Variants in ANK3 observed in about 807,000 individuals in gnomAD.
ANK3 encodes ankyrin-3.
In ANK3, 57 loss-of-function variants were observed where a neutral mutation model predicts 370.9. That is an observed-to-expected ratio of 0.15 (90% confidence interval 0.12 to 0.19). The LOEUF is 0.19. Among genes scored for constraint, ANK3 ranks in the 10% least tolerant of loss-of-function variants. ANK3 has a pLI of 1.00. For missense variants in ANK3, 4,439 were observed against 5,302.1 expected (o/e 0.84, Z 5.06); for synonymous variants, 1,929 against 1,946.3 (o/e 0.99, Z 0.23).
chr10:60,214,884 G>A (rs1006436226), intron 8 of ANK3, among the ~76,000 whole-genome samples: 2 of 152,096 alleles, frequency 1.3e-5, no homozygotes, highest in Non-Finnish European at 2.9e-5. Flanking sequence ...CCCAGTAATG[G>A]GATTGCTGGG....
At chr10:60,436,096 A>AT (rs1427169060) in intron 2 of ANK3, among the ~76,000 whole-genome samples, 2 of 149,608 alleles carry the variant, frequency 1.3e-5, no homozygotes, top group South Asian at 2.1e-4. Flanking sequence ...CTCAAAAAAA[A>AT]ATAAATAAAT....
chr10:60,380,948 G>A (rs989978698), intron 1 of ANK3, among the ~76,000 whole-genome samples: 1 of 152,070 alleles, frequency 6.6e-6, no homozygotes, highest in Non-Finnish European at 1.5e-5. Context: ...AAGGGAATCC[G>A]CCGATAAAGG....
In ANK3 at chr10:60,722,070, C is replaced by T. The variant is rs533469218; in HGVS notation, c.57+11193G>A. On this transcript the variant is annotated intron_variant, in intron 1 of 43. Transcript: ENST00000373827. ...GATCAGTTATACACATTGAGACAGACTTAAGTCTCCATGGAGACTTAAGTG... is the reference window on the plus strand; with the variant it reads ...GATCAGTTATACACATTGAGACAGATTTAAGTCTCCATGGAGACTTAAGTG... Among the ~76,000 whole-genome samples, 47 of 152,218 alleles carry T rather than the reference C, an allele frequency of 3.1e-4. 1 individual carries two copies. The South Asian group carries it at 8.9e-3, about 29-fold the overall frequency.
chr10:60,424,879 C>T (rs978997173), intron 2 of ANK3, among the ~76,000 whole-genome samples: 4 of 151,994 alleles, frequency 2.6e-5, no homozygotes, highest in African/African-American at 9.7e-5. Flanking sequence ...AATTTAAAGA[C>T]ATTACTTTGT....
chr10:60,360,334 T>A (rs1450512629), intron 1 of ANK3, among the ~76,000 whole-genome samples: 1 of 152,206 alleles, frequency 6.6e-6, no homozygotes, highest in Non-Finnish European at 1.5e-5. Context: ...GTCAAGAAAC[T>A]TACAGTGGGA....
At chr10:60,144,040 C>A (rs191212593) in intron 23 of ANK3, 39 of 260,170 alleles carry the variant, frequency 1.5e-4, no homozygotes, top group Admixed American at 4.1e-4. Context: ...GCTGAGGTGT[C>A]AGACCTTTGA....
At chr10:60,625,795 C>T (rs1044822607) in intron 1 of ANK3, among the ~76,000 whole-genome samples, 1 of 151,992 alleles carries the variant, frequency 6.6e-6, no homozygotes, top group Non-Finnish European at 1.5e-5. Context: ...TTTTGCTGTT[C>T]TAAAAGTTTT....
chr10:60,076,258 C>A lies in ANK3; in HGVS notation c.4623G>T (p.Trp1541Cys). Reference sequence around the variant, plus strand: ...TGATTGGAGAAGGTGTCGAAACAGACCATATTGATTTTAACGGAGAAGCTG... The same window carrying A: ...TGATTGGAGAAGGTGTCGAAACAGAACATATTGATTTTAACGGAGAAGCTG... ...TPSASPLKSIWSVSTPSPIKS... is the reference protein window; with the variant it reads ...TPSASPLKSICSVSTPSPIKS... The change falls in exon 37 of 44, where the codon TGG becomes TGT. Residue 1541 changes from tryptophan (W) to cysteine (C), a missense_variant. By Grantham distance (215) the Trp-to-Cys change is radical. Around this residue, in one of 13 missense-constraint regions of ANK3, gnomAD observed 679 missense variants for 791.0 expected, o/e 0.86. Transcript: ENST00000280772. The A allele has an allele frequency of 6.2e-7, 1 of 1,614,096 alleles. No individual in the cohort carries two copies. Among genetic ancestry groups the A allele is most frequent in the African/African-American group, 1.3e-5 (1 of 75,024 alleles).
intron 1 of ANK3, among the ~76,000 whole-genome samples, chr10:60,699,595 C>T (rs1440271857): frequency 2.0e-5 from 3 of 150,520 alleles, no homozygotes; most frequent in South Asian, 2.1e-4. Flanking sequence ...AATCAATACA[C>T]GTTATTACCA....
chr10:60,643,500 ATATCTATCTATC>A (rs61461746), intron 1 of ANK3, among the ~76,000 whole-genome samples: 46,499 of 146,514 alleles, frequency 0.32, 7,485 homozygotes, highest in African/African-American at 0.37. Context: ...ACTCCCCTTT[ATATCTATCTATC>A]TATCTATCTA....
intron 1 of ANK3, among the ~76,000 whole-genome samples, chr10:60,675,714 C>T (rs1231418823): frequency 2.0e-5 from 3 of 152,076 alleles, no homozygotes; most frequent in Admixed American, 1.3e-4. Flanking sequence ...TCATAAAATG[C>T]CTAGAATTGT....
intron 1 of ANK3, among the ~76,000 whole-genome samples, chr10:60,617,800 T>C (rs2078285115): frequency 6.6e-6 from 1 of 152,226 alleles, no homozygotes. Flanking sequence ...TCACTTTTCA[T>C]TACAGTTATT....
intron 2 of ANK3, among the ~76,000 whole-genome samples, chr10:60,588,300 C>G (rs2077862043): frequency 7.8e-6 from 1 of 128,816 alleles, no homozygotes; most frequent in Non-Finnish European, 1.7e-5. Context: ...TTCTTCTGCC[C>G]CAGCCTCCCA....
rs542765647 is a variant in ANK3 at position 60,529,946 on chromosome 10, G to T, written c.96+85240C>A. ...GTGGGAAGGAGGGAATTCTCAAAAG[G>T]CATTGAATAAATGCTGGCATTAAAA... On this transcript the variant is annotated intron_variant, in intron 2 of 43. Transcript: ENST00000373827. Among the ~76,000 whole-genome samples the T allele has an allele frequency of 2.1e-4, 32 of 152,274 alleles. No homozygotes were observed. In the South Asian group the frequency reaches 6.4e-3, roughly 31 times the overall value.
In ANK3 at chr10:60,557,497, G is replaced by A. The variant is rs888249109; in HGVS notation, c.96+57689C>T. On this transcript the variant is annotated intron_variant, in intron 2 of 43. Transcript: ENST00000373827. Reference sequence around the variant, plus strand: ...GCCTGGGGAGAGGGAGGAATTTGGAGGGACTTAATGAGTACAGGGCTTTTG... The same window carrying A: ...GCCTGGGGAGAGGGAGGAATTTGGAAGGACTTAATGAGTACAGGGCTTTTG... 3.3e-5 allele frequency among the ~76,000 whole-genome samples: 5 copies of A among 152,250 alleles called. No individual in the cohort carries two copies. In the East Asian group the frequency reaches 9.7e-4, roughly 29 times the overall value.
chr10:60,389,942 C>T (rs571523913), upstream of ANK3: 24 of 799,268 alleles, frequency 3.0e-5, no homozygotes, highest in Admixed American at 6.9e-4. Context: ...AGAGTCACCA[C>T]ACATGCAGAA....
At chr10:60,180,861 G>A (rs112548605) in intron 18 of ANK3, among the ~76,000 whole-genome samples, 7 of 152,008 alleles carry the variant, frequency 4.6e-5, no homozygotes, top group African/African-American at 1.4e-4. Flanking sequence ...GAGAACACAC[G>A]CATGACCGCA....
intron 1 of ANK3, among the ~76,000 whole-genome samples, chr10:60,640,995 C>T (rs572791892): frequency 1.2e-4 from 18 of 144,162 alleles, no homozygotes; most frequent in Non-Finnish European, 2.3e-4. Context: ...AACAGACAAA[C>T]GGAGAGCCAA....
chr10:60,186,393 C>T (rs2096333090), intron 17 of ANK3, among the ~76,000 whole-genome samples: 1 of 150,020 alleles, frequency 6.7e-6, no homozygotes, highest in Non-Finnish European at 1.5e-5. Context: ...CTCTGTCACC[C>T]AGGCTGGAGT....
Sources: allele counts gnomAD v4.1 joint callset (sites outside exome capture counted in the v4.1 genomes callset), GRCh38; gene constraint gnomAD v4.1.1; regional missense constraint gnomAD v4.1.1; transcripts MANE v1.5; gene names NCBI Gene and HGNC (gene_info 2026-07-23, HGNC 2026-07-21).